Variants in GADL1 observed in about 807,000 individuals in gnomAD.
The protein encoded by GADL1 is acidic amino acid decarboxylase GADL1.
A neutral mutation model predicts 69.5 loss-of-function variants in GADL1; 71 were observed. The observed-to-expected ratio is 1.02, with a 90% CI of 0.84 to 1.25. The LOEUF (loss-of-function observed/expected upper bound fraction) is 1.25, where lower values mean the gene tolerates loss of function less well. Ranked by LOEUF, GADL1 falls within the 50% of genes most tolerant of loss-of-function variation. GADL1 has a pLI of 0.00. For missense variants in GADL1, 737 were observed against 631.8 expected, an observed-to-expected ratio of 1.17 and a Z score of -1.79; for synonymous variants, 254 against 214.4, an observed-to-expected ratio of 1.18 and a Z score of -1.62.
intron 14 of GADL1, among the ~76,000 whole-genome samples, chr3:30,773,383 C>A (rs543130407): frequency 4.8e-4 from 73 of 151,902 alleles, no homozygotes; most frequent in Admixed American, 1.4e-3. Context: ...ATCAATTACT[C>A]CACTAAGGTA....
chr3:30,789,130 A>G (rs1696860309), intron 12 of GADL1, among the ~76,000 whole-genome samples: 2 of 152,244 alleles, frequency 1.3e-5, no homozygotes, highest in Non-Finnish European at 2.9e-5. Context: ...CTATAGCCTT[A>G]CAAAACACAT....
chr3:30,844,942 A>G (rs1265874873), intron 6 of GADL1, among the ~76,000 whole-genome samples: 52 of 152,118 alleles, frequency 3.4e-4, no homozygotes, highest in African/African-American at 1.2e-3. Context: ...GAAACTTAGA[A>G]TCTAGTCCAC....
At chr3:30,785,335 T>A (rs1403872285) in intron 13 of GADL1, among the ~76,000 whole-genome samples, 1 of 152,090 alleles carries the variant, frequency 6.6e-6, no homozygotes, top group African/African-American at 2.4e-5. Flanking sequence ...TAGTAATTGT[T>A]CAATGCATCT....
chr3:30,848,207 C>T (rs1190322473), intron 6 of GADL1, among the ~76,000 whole-genome samples: 1 of 152,152 alleles, frequency 6.6e-6, no homozygotes, highest in Non-Finnish European at 1.5e-5. Flanking sequence ...CATTACCAAA[C>T]ATTCTTCTCT....
intron 14 of GADL1, among the ~76,000 whole-genome samples, chr3:30,759,237 C>T (rs768696107): frequency 6.8e-6 from 1 of 147,586 alleles, no homozygotes; most frequent in Non-Finnish European, 1.5e-5. Context: ...CTTTAGCTCT[C>T]ACAATGATTA....
intron 1 of GADL1, among the ~76,000 whole-genome samples, chr3:30,891,020 T>C (rs951302807): frequency 6.9e-6 from 1 of 144,584 alleles, no homozygotes; most frequent in Non-Finnish European, 1.5e-5. Flanking sequence ...GGCTAGAGTA[T>C]TTACTTTGCA....
chr3:30,882,928 G>A (rs1325274040), intron 1 of GADL1, among the ~76,000 whole-genome samples: 1 of 151,816 alleles, frequency 6.6e-6, no homozygotes, highest in Non-Finnish European at 1.5e-5. Flanking sequence ...GTGATAGTGA[G>A]CATCTTTGCG....
At chr3:30,730,937 T>C (rs112869140) in intron 14 of GADL1, among the ~76,000 whole-genome samples, 1 of 152,202 alleles carries the variant, frequency 6.6e-6, no homozygotes, top group African/African-American at 2.4e-5. Context: ...ACCCACCATA[T>C]TGTACTGCTT....
chr3:30,878,981 G>A (rs907482127), intron 1 of GADL1, among the ~76,000 whole-genome samples: 31 of 151,848 alleles, frequency 2.0e-4, no homozygotes, highest in Non-Finnish European at 4.1e-4. Context: ...CCACTTCTCT[G>A]AATACTTTTC....
intron 1 of GADL1, among the ~76,000 whole-genome samples, chr3:30,889,140 A>T (rs528198018): frequency 6.7e-6 from 1 of 149,636 alleles, no homozygotes; most frequent in Non-Finnish European, 1.5e-5. Context: ...TCACAGTTCC[A>T]CATGGCTGGG....
intron 1 of GADL1, among the ~76,000 whole-genome samples, chr3:30,886,358 G>A (rs938708053): frequency 6.6e-6 from 1 of 152,128 alleles, no homozygotes; most frequent in Non-Finnish European, 1.5e-5. Flanking sequence ...AAGACAAGGT[G>A]TTGATTTCTC....
At position 30,847,385 on chromosome 3, in the gene GADL1, ACTAC is replaced by A. The variant is rs552958307; in HGVS notation, c.651+2607_651+2610del. On this transcript the variant is annotated intron_variant, in intron 6 of 14. Transcript: ENST00000282538. ...TGGGGTAGCACAAAAACTGGAAAAG[ACTAC>A]CTAATATAACAGTACTGGGCCATGG... Among the ~76,000 whole-genome samples, 10 of 152,312 alleles carry A rather than the reference ACTAC, an allele frequency of 6.6e-5. No individual in the cohort carries two copies. In the South Asian group the frequency reaches 2.1e-3, roughly 32 times the overall value.
chr3:30,738,188 C>G (rs1196192714), intron 14 of GADL1, among the ~76,000 whole-genome samples: 1 of 152,154 alleles, frequency 6.6e-6, no homozygotes, highest in African/African-American at 2.4e-5. Context: ...GTTGGGAGAT[C>G]CCTGTACTGC....
chr3:30,851,158 A>T (rs777249509), intron 4 of GADL1, among the ~76,000 whole-genome samples: 9 of 152,148 alleles, frequency 5.9e-5, no homozygotes, highest in Non-Finnish European at 1.2e-4. Context: ...GGGATCTGCA[A>T]GTTGCTGCAG....
intron 6 of GADL1, among the ~76,000 whole-genome samples, chr3:30,845,818 A>G (rs1575232064): frequency 6.6e-6 from 1 of 152,150 alleles, no homozygotes; most frequent in Admixed American, 6.5e-5. Flanking sequence ...TTCTCACCAG[A>G]GAGTTGAGCT....
intron 11 of GADL1, among the ~76,000 whole-genome samples, chr3:30,825,294 C>A (rs1414073895): frequency 1.3e-4 from 19 of 151,836 alleles, no homozygotes; most frequent in Non-Finnish European, 2.9e-5. Flanking sequence ...TTATTATATG[C>A]CACCAACAAT....
At chr3:30,826,002 T>C (rs1296079741) in intron 11 of GADL1, among the ~76,000 whole-genome samples, 7 of 151,914 alleles carry the variant, frequency 4.6e-5, no homozygotes, top group Non-Finnish European at 7.4e-5. Context: ...TTGGAATCCA[T>C]TAAAAAATAG....
In GADL1 at chr3:30,818,904, G is replaced by A. The variant is rs148161647; in HGVS notation, c.1050+14949C>T. Among the ~76,000 whole-genome samples the A allele has an allele frequency of 2.6e-5, 4 of 152,036 alleles. No homozygotes were observed. In the East Asian group the frequency reaches 5.8e-4, roughly 22 times the overall value. The stretch of plus-strand genomic sequence containing the variant: ...GCCTCTGAATGTCAGATCACTTGAG[G>A]CCTGCTTCTTGCTTCATGCCCCTAT... On this transcript the variant is annotated intron_variant, in intron 11 of 14. Coordinates refer to ENST00000282538, the MANE Select transcript of GADL1 (RefSeq NM_207359.3).
At chr3:30,759,028 A>G (rs1696052543) in intron 14 of GADL1, among the ~76,000 whole-genome samples, 1 of 133,034 alleles carries the variant, frequency 7.5e-6, no homozygotes, top group South Asian at 2.4e-4. Context: ...ACATAATTTC[A>G]AACTTGAGTT....
Sources: allele counts gnomAD v4.1 joint callset (sites outside exome capture counted in the v4.1 genomes callset), GRCh38; gene constraint gnomAD v4.1.1; transcripts MANE v1.5; gene names NCBI Gene and HGNC (gene_info 2026-07-23, HGNC 2026-07-21).